The following MTIF3 variants were observed in gnomAD, a reference collection of about 807,000 sequenced individuals.
MTIF3 encodes the protein mitochondrial translational initiation factor 3, also known as translation initiation factor IF-3, mitochondrial.
A neutral mutation model predicts 20.7 loss-of-function variants in MTIF3; 13 were observed. That is an observed-to-expected ratio of 0.63 (90% confidence interval 0.41 to 1.00). The LOEUF is 1.00. MTIF3 is among the 50% of genes least tolerant of loss of function. The probability of loss-of-function intolerance (pLI) is 0.00; values close to 1 mark genes in which losing one functional copy is unlikely to be tolerated. For missense variants in MTIF3, 295 were observed against 324.5 expected, an observed-to-expected ratio of 0.91 and a Z score of 0.70; for synonymous variants, 114 against 112.5, an observed-to-expected ratio of 1.01 and a Z score of -0.08.
rs1369023256 is a variant in MTIF3 at position 27,450,504 on chromosome 13, A to T, written c.-71+5T>A. The T allele has an allele frequency of 6.6e-6, 1 of 152,332 alleles. No homozygotes were observed. Among genetic ancestry groups the T allele is most frequent in the Non-Finnish European group, 1.5e-5 (1 of 68,114 alleles). The allele number at this position is 152,332 out of a possible 1,614,324, so 9.4% of individuals were successfully genotyped here. ...CCGCTCCGCACGCCTCATATTTAGC[A>T]TTACCTGTGCTGGGGCAAGCGATTG... is the stretch of plus-strand genomic sequence containing the variant. On this transcript the variant is annotated splice_donor_5th_base_variant and intron_variant, in intron 1 of 4. Transcript: ENST00000381120.
intron 4 of MTIF3, among the ~76,000 whole-genome samples, chr13:27,436,346 G>C (rs994562803): frequency 6.6e-6 from 1 of 151,996 alleles, no homozygotes; most frequent in Non-Finnish European, 1.5e-5. Flanking sequence ...ATGCTTAAGT[G>C]ACTCTACTGT....
chr13:27,435,666 T>G lies in MTIF3; in HGVS notation c.*9A>C, dbSNP rs138078620. ...GCTTTCTCTCAGAGCATGCTTTTCT[T>G]TATTAAAATTACTGATGCAGAACAT... is the stretch of plus-strand genomic sequence containing the variant. On this transcript the variant is annotated 3_prime_UTR_variant, in exon 5 of 5. Coordinates refer to ENST00000381120, the MANE Select transcript of MTIF3 (RefSeq NM_152912.5). 7.0e-4 allele frequency: 1,131 copies of G among 1,613,274 alleles called. 2 individuals are homozygous for G. Among genetic ancestry groups the G allele is most frequent in the Non-Finnish European group, 9.2e-4 (1,091 of 1,179,504 alleles).
intron 2 of MTIF3, among the ~76,000 whole-genome samples, chr13:27,441,491 C>A (rs556496435): frequency 1.3e-5 from 2 of 152,300 alleles, no homozygotes; most frequent in South Asian, 4.2e-4. Flanking sequence ...CTATAAAGAT[C>A]ATTCTCAAGG....
chr13:27,449,579 A>T (rs552936159), intron 1 of MTIF3, among the ~76,000 whole-genome samples: 1 of 152,318 alleles, frequency 6.6e-6, no homozygotes, highest in African/African-American at 2.4e-5. Flanking sequence ...AAACTAAGCC[A>T]GTTCTCCCAT....
At position 27,436,331 on chromosome 13, in the gene MTIF3, G is replaced by A. The variant is rs1044193448; in HGVS notation, c.619-438C>T. Reference sequence around the variant, plus strand: ...AGAAATTCTGCATCAGCTGGGTTGCGACCTATGCTTAAGTGACTCTACTGT... The same window carrying A: ...AGAAATTCTGCATCAGCTGGGTTGCAACCTATGCTTAAGTGACTCTACTGT... On this transcript the variant is annotated intron_variant, in intron 4 of 4. Transcript: ENST00000381120. Among the ~76,000 whole-genome samples the A allele has an allele frequency of 7.4e-4, 113 of 152,064 alleles. 1 individual carries two copies. Among genetic ancestry groups the A allele is most frequent in the African/African-American group, 2.5e-3 (103 of 41,440 alleles).
chr13:27,440,901 T>A (rs1057219269), intron 2 of MTIF3: 1 of 172,060 alleles, frequency 5.8e-6, no homozygotes, highest in African/African-American at 2.4e-5. Context: ...ACATAAGCAG[T>A]TGATTAACAC....
chr13:27,446,574 T>C (rs1282546665), intron 1 of MTIF3, among the ~76,000 whole-genome samples: 1 of 152,220 alleles, frequency 6.6e-6, no homozygotes, highest in Non-Finnish European at 1.5e-5. Flanking sequence ...GAGGGAGGAA[T>C]GGTTCACTGG....
At chr13:27,445,574 T>A (rs1486510556) in intron 1 of MTIF3, among the ~76,000 whole-genome samples, 2 of 152,116 alleles carry the variant, frequency 1.3e-5, no homozygotes, top group Non-Finnish European at 2.9e-5. Context: ...ACAAACAGAT[T>A]ACTTTCAGAC....
chr13:27,443,166 CCA>C (rs1954060426), intron 2 of MTIF3, among the ~76,000 whole-genome samples: 1 of 152,182 alleles, frequency 6.6e-6, no homozygotes, highest in Non-Finnish European at 1.5e-5. Flanking sequence ...GATGCTCCAT[CCA>C]CAGTGTATGA....
intron 1 of MTIF3, among the ~76,000 whole-genome samples, chr13:27,446,151 GGTT>G (rs1157345138): frequency 6.6e-6 from 1 of 152,126 alleles, no homozygotes; most frequent in East Asian, 1.9e-4. Context: ...CCGCCTCCCA[GGTT>G]CAAGTGATTC....
chr13:27,442,960 C>A (rs1432361286), intron 2 of MTIF3, among the ~76,000 whole-genome samples: 1 of 152,242 alleles, frequency 6.6e-6, no homozygotes, highest in East Asian at 1.9e-4. Context: ...CCCGGCACTA[C>A]AGCTCAGAGC....
At chr13:27,438,017 G>A (rs958899093) in intron 3 of MTIF3, among the ~76,000 whole-genome samples, 1 of 151,996 alleles carries the variant, frequency 6.6e-6, no homozygotes, top group Non-Finnish European at 1.5e-5. Context: ...AACCATCTAC[G>A]TAGAAAAATA....
rs913816133 is a variant in MTIF3 at position 27,438,491 on chromosome 13, T to G, written c.461-1218A>C. On this transcript the variant is annotated intron_variant, in intron 3 of 4. Coordinates refer to ENST00000381120, the MANE Select transcript of MTIF3 (RefSeq NM_152912.5). ...GGCAACAGAGCAAGACTGTTTTTTT[T>G]TTTTTTTTTTTTTTTTTTAAACACA... Among the ~76,000 whole-genome samples the G allele has an allele frequency of 1.7e-4, 8 of 47,624 alleles. 1 individual carries two copies. Among genetic ancestry groups the G allele is most frequent in the Non-Finnish European group, 3.3e-4 (5 of 15,066 alleles). The allele number at this position is 47,624 out of a possible 152,430, so 31.2% of individuals were successfully genotyped here.
intron 4 of MTIF3, 58 bp downstream of exon 4, chr13:27,437,058 G>C: frequency 6.4e-7 from 1 of 1,570,030 alleles, no homozygotes. Flanking sequence ...GCCTACAATT[G>C]TATTTTTAGA....
rs1450179112 is a variant in MTIF3, at chr13:27,440,097, G to A, written c.352C>T (p.Gln118Ter). 1.2e-6 allele frequency: 2 copies of A among 1,614,048 alleles called. No individual in the cohort carries two copies. The highest frequency in any genetic ancestry group is 2.7e-5 in the African/African-American group (2 of 74,914). The change falls in exon 3 of 5, where the codon CAA (glutamine) becomes TAA (stop). Residue 118 changes from glutamine (Q) to a stop codon, truncating the protein, a stop_gained. Coordinates refer to ENST00000381120, the MANE Select transcript of MTIF3 (RefSeq NM_152912.5). LOFTEE classifies it high-confidence loss of function. ...GCAGGTTCTGTGCTGGTGTTCCTTT[G>A]AACCAGTCGCAGGTCTCGCTCATCC... ...LMDERDLRLV[Q>*]RNTSTEPAEY...
rs1593189005 is a variant in MTIF3 at position 27,438,521 on chromosome 13, C to T, written c.461-1248G>A. ...TTTTTTTTTTTTTTAAACACAGGGT[C>T]TCGCTCTGTCACCCAGGCTGAAGTG... is the stretch of plus-strand genomic sequence containing the variant. On this transcript the variant is annotated intron_variant, in intron 3 of 4. Transcript: ENST00000381120. Among the ~76,000 whole-genome samples the T allele has an allele frequency of 3.0e-5, 4 of 131,276 alleles. 1 individual carries two copies. The Admixed American group carries it at 3.5e-4, about 12-fold the overall frequency. 86.1% of individuals were successfully genotyped at this position (131,276 alleles called of 152,430 possible).
Position 27,440,294 on chromosome 13 carries a change from G to C in MTIF3, c.155C>G (p.Ala52Gly). Residue 52 changes from alanine to glycine, a missense_variant, in exon 3 of 5, where the codon GCA becomes GGA. Ala to Gly is a moderately conservative substitution (Grantham distance 60). Coordinates refer to ENST00000381120, the MANE Select transcript of MTIF3 (RefSeq NM_152912.5). The stretch of plus-strand genomic sequence containing the variant: ...GTCTTCAGCGGTACTAAAGGCTTTT[G>C]CATGAATTAGGAAGGAGAGTCTTGG... ...SAPRLSFLIH[A>G]KAFSTAEDTQ... 2 of 1,614,046 alleles carry C rather than the reference G, an allele frequency of 1.2e-6. No homozygotes were observed. The highest frequency in any genetic ancestry group is 1.7e-6 in the Non-Finnish European group (2 of 1,180,022).
chr13:27,448,585 A>C (rs1566089949), intron 1 of MTIF3, among the ~76,000 whole-genome samples: 1 of 152,198 alleles, frequency 6.6e-6, no homozygotes, highest in Admixed American at 6.5e-5. Flanking sequence ...AATGAGGCTG[A>C]GCTGTTTACG....
intron 1 of MTIF3, among the ~76,000 whole-genome samples, chr13:27,449,696 C>T (rs1432870773): frequency 2.0e-5 from 3 of 152,234 alleles, no homozygotes; most frequent in African/African-American, 4.8e-5. Flanking sequence ...CTTAGCACTG[C>T]TGTTCTCCAT....
Sources: allele counts gnomAD v4.1 joint callset (sites outside exome capture counted in the v4.1 genomes callset), GRCh38; gene constraint gnomAD v4.1.1; transcripts MANE v1.5; gene names NCBI Gene and HGNC (gene_info 2026-07-23, HGNC 2026-07-21).